RNF17: variants seen among roughly 807,000 people sequenced by gnomAD.
The protein encoded by RNF17 is ring finger protein 17, also known as spermatogenesis associated 23.
In RNF17, 31 loss-of-function variants were observed where a neutral mutation model predicts 200.5. That is an observed-to-expected ratio of 0.15 (90% CI 0.12 to 0.21). The LOEUF (loss-of-function observed/expected upper bound fraction) is 0.21, where lower values mean the gene tolerates loss of function less well. RNF17 is among the 10% of genes least tolerant of loss of function. The pLI is 1.00. For synonymous variants in RNF17, 606 were observed against 637.8 expected (o/e 0.95, Z 0.75); for missense variants, 1,628 against 1,905.1 (o/e 0.85, Z 2.71).
At chr13:24,785,859 A>T (rs1883037880) in intron 6 of RNF17, among the ~76,000 whole-genome samples, 1 of 152,204 alleles carries the variant, frequency 6.6e-6, no homozygotes, top group African/African-American at 2.4e-5. Context: ...TTTTTAAATT[A>T]TCGGCATGTA....
Position 24,778,506 on chromosome 13 carries a change from A to G in RNF17, c.429+100A>G, listed in dbSNP as rs1881896356. 6.3e-6 allele frequency: 5 copies of G among 798,790 alleles called. No individual in the cohort carries two copies. The East Asian group carries it at 1.3e-4, about 20-fold the overall frequency. 49.5% of individuals were successfully genotyped at this position (798,790 alleles called of 1,614,324 possible). A position where few individuals can be genotyped will look rare whatever the true frequency, so the allele number is the denominator to read the frequency against. ...TCCTATAATTATAGATTCTTTTGGA[A>G]GTTTATACGTAACAAGTTAACCCAC... On this transcript the variant is annotated intron_variant, in intron 4 of 35. Coordinates refer to ENST00000255324, the MANE Select transcript of RNF17 (RefSeq NM_031277.3).
chr13:24,818,795 G>A (rs1201839413), intron 15 of RNF17, among the ~76,000 whole-genome samples: 2 of 151,970 alleles, frequency 1.3e-5, no homozygotes, highest in Admixed American at 6.6e-5. Flanking sequence ...TGTATCTCTT[G>A]TGGACAGCAT....
At chr13:24,866,697 A>G (rs1459918113) in intron 30 of RNF17, among the ~76,000 whole-genome samples, 1 of 152,136 alleles carries the variant, frequency 6.6e-6, no homozygotes, top group African/African-American at 2.4e-5. Context: ...GGTTGTTTCC[A>G]CCTTATGGTG....
At chr13:24,783,198 C>T (rs565835494) in intron 6 of RNF17, among the ~76,000 whole-genome samples, 2 of 152,146 alleles carry the variant, frequency 1.3e-5, no homozygotes, top group African/African-American at 4.8e-5. Flanking sequence ...AAAATGAGCT[C>T]ACCATATATG....
At chr13:24,884,923 A>G in the RNF17 span, among the ~76,000 whole-genome samples, 162 of 152,290 alleles carry the variant, frequency 1.1e-3, 5 homozygotes, top group East Asian at 0.028. Flanking sequence ...TTTAGCTGGA[A>G]CCCCCAGGCA....
intron 18 of RNF17, 33 bp from the exon 19 acceptor site, chr13:24,842,008 T>C: frequency 6.3e-7 from 1 of 1,577,890 alleles, no homozygotes; most frequent in South Asian, 1.2e-5. Flanking sequence ...TGTGACATAT[T>C]TCTTTCCCCA....
intron 6 of RNF17, among the ~76,000 whole-genome samples, chr13:24,782,726 C>CAT (rs1192123036): frequency 6.6e-6 from 1 of 152,078 alleles, no homozygotes; most frequent in Non-Finnish European, 1.5e-5. Context: ...GTCCCAGCTG[C>CAT]ATGGGAAGCT....
intron 15 of RNF17, among the ~76,000 whole-genome samples, chr13:24,822,185 A>C (rs1888143058): frequency 6.6e-6 from 1 of 152,062 alleles, no homozygotes. Flanking sequence ...TTTCTACTTG[A>C]CTGGCACCAT....
Position 24,789,350 on chromosome 13 carries a change from T to A in RNF17, c.786T>A (p.Ile262=), listed in dbSNP as rs1883548424. The A allele has an allele frequency of 1.9e-6, 3 of 1,590,894 alleles. No homozygotes were observed. The highest frequency in any genetic ancestry group is 1.3e-5 in the African/African-American group (1 of 74,576). Residue 262 remains isoleucine (I), a splice_region_variant and synonymous_variant, in exon 8 of 36, where the codon ATT becomes ATA. Coordinates refer to ENST00000255324, the MANE Select transcript of RNF17 (RefSeq NM_031277.3). ...SLRTYCDLNQ[I]IRTLQLTSDS... is the part of the protein sequence containing the mutation. ...ATGATTTTTTTTTTAAATTCTAGAT[T>A]ATCCGGACTTTGCAGTTAACTTCAG...
intron 13 of RNF17, among the ~76,000 whole-genome samples, chr13:24,801,315 T>C (rs896587383): frequency 3.3e-5 from 5 of 152,208 alleles, no homozygotes. Context: ...AAATTTACTT[T>C]CAATATGTTA....
intron 13 of RNF17, 115 bp downstream of exon 13, chr13:24,800,649 A>G (rs1885132489): frequency 4.2e-6 from 3 of 712,662 alleles, no homozygotes; most frequent in Non-Finnish European, 6.6e-6. Flanking sequence ...ATAAATACAT[A>G]GTGCATATTA....
chr13:24,858,871 C>T (rs1892801319), intron 25 of RNF17, 130 bp from the exon 26 acceptor site: 1 of 589,216 alleles, frequency 1.7e-6, no homozygotes. Context: ...TTAAAACACA[C>T]ACAGATTTTT....
intron 5 of RNF17, among the ~76,000 whole-genome samples, chr13:24,781,633 C>T (rs571228195): frequency 6.6e-6 from 1 of 152,274 alleles, no homozygotes; most frequent in South Asian, 2.1e-4. Flanking sequence ...GAGACCTGGT[C>T]TCAGTAAAAC....
intron 18 of RNF17, among the ~76,000 whole-genome samples, chr13:24,838,708 A>C (rs968027979): frequency 7.9e-5 from 12 of 152,162 alleles, no homozygotes; most frequent in African/African-American, 2.9e-4. Flanking sequence ...ACCCACAGCC[A>C]ACGTAATTCT....
intron 3 of RNF17, 79 bp downstream of exon 3, chr13:24,774,983 C>A: frequency 1.1e-6 from 1 of 952,070 alleles, no homozygotes; most frequent in Non-Finnish European, 1.6e-6. Flanking sequence ...GATAAAATGT[C>A]ATCCTTAAGT....
intron 16 of RNF17, among the ~76,000 whole-genome samples, chr13:24,827,730 A>AAAAAAAAAC (rs1888894362): frequency 6.8e-6 from 1 of 147,138 alleles, no homozygotes; most frequent in Non-Finnish European, 1.5e-5. Flanking sequence ...AAAAAAAAAA[A>AAAAAAAAAC]ACAATAGAAA....
At chr13:24,864,770 TTAATAC>T in intron 28 of RNF17, 97 bp from the exon 29 acceptor site, 1 of 851,472 alleles carries the variant, frequency 1.2e-6, no homozygotes, top group Non-Finnish European at 1.8e-6. Flanking sequence ...AACTGTCTAG[TTAATAC>T]TATGATTGTC....
intron 18 of RNF17, among the ~76,000 whole-genome samples, chr13:24,840,750 G>C (rs529728646): frequency 6.6e-6 from 1 of 151,180 alleles, no homozygotes; most frequent in Non-Finnish European, 1.5e-5. Context: ...AAGTAGGAGG[G>C]GGGCGAAGGA....
chr13:24,789,250 G>A, intron 7 of RNF17, 98 bp from the exon 8 acceptor site: 1 of 801,076 alleles, frequency 1.2e-6, no homozygotes, highest in Non-Finnish European at 2.1e-6. Flanking sequence ...AATAATTAAT[G>A]AAATACCTAA....
Sources: allele counts gnomAD v4.1 joint callset (sites outside exome capture counted in the v4.1 genomes callset), GRCh38; gene constraint gnomAD v4.1.1; transcripts MANE v1.5; gene names NCBI Gene and HGNC (gene_info 2026-07-23, HGNC 2026-07-21).